Variants in ATMIN observed in about 807,000 individuals in gnomAD.
ATMIN encodes ATM interactor.
A neutral mutation model predicts 49.2 loss-of-function variants in ATMIN; 24 were observed. The observed-to-expected ratio is 0.49, with a 90% CI of 0.35 to 0.69. ATMIN has a LOEUF of 0.69. Ranked by LOEUF, ATMIN falls within the 30% of genes least tolerant of loss-of-function variation. ATMIN has a pLI of 0.00. For missense variants in ATMIN, 1,037 were observed against 1,005.5 expected (o/e 1.03, Z -0.42); for synonymous variants, 450 against 392.5 (o/e 1.15, Z -1.73).
At chr16:81,041,281 A>T in intron 1 of ATMIN, 75 bp from the exon 2 acceptor site, 1 of 1,470,202 alleles carries the variant, frequency 6.8e-7, no homozygotes, top group Non-Finnish European at 9.2e-7. Flanking sequence ...GCTCGTTTTC[A>T]GTCATTCCGT....
chr16:81,042,095 A>T (rs1486489120), intron 2 of ATMIN, among the ~76,000 whole-genome samples, 186 bp from the exon 3 acceptor site: 1 of 152,214 alleles, frequency 6.6e-6, no homozygotes, highest in Non-Finnish European at 1.5e-5. Context: ...CAAAAGCAAC[A>T]AGAAGAGGCA....
rs1212613211 is a variant in ATMIN, at chr16:81,044,574, T to A, written c.2076T>A (p.Ser692=). The A allele has an allele frequency of 6.2e-7, 1 of 1,614,100 alleles. No homozygotes were observed. Among genetic ancestry groups the A allele is most frequent in the Non-Finnish European group, 8.5e-7 (1 of 1,179,964 alleles). The change falls in exon 4 of 4, where the codon TCT becomes TCA. Residue 692 remains serine, a synonymous_variant. Transcript: ENST00000299575. ...AGTCCTATGGGTGTAGGGGAAATTCTAACTTCTTAGGCCTTGAGATGTTTG... is the reference window on the plus strand; with the variant it reads ...AGTCCTATGGGTGTAGGGGAAATTCAAACTTCTTAGGCCTTGAGATGTTTG... ...SAQSYGCRGN[S]NFLGLEMFDT... is the part of the protein sequence containing the mutation.
chr16:81,036,426 C>T (rs1970935438), intron 1 of ATMIN, among the ~76,000 whole-genome samples: 3 of 152,110 alleles, frequency 2.0e-5, no homozygotes, highest in African/African-American at 4.8e-5. Flanking sequence ...CTGGGAGCCC[C>T]GGGTCCGCCG....
chr16:81,045,153 A>G lies in ATMIN; in HGVS notation c.*183A>G, dbSNP rs1211537304. The G allele has an allele frequency of 1.3e-6, 1 of 769,934 alleles. No homozygotes were observed. The highest frequency in any genetic ancestry group is 2.0e-6 in the Non-Finnish European group (1 of 512,094). The allele number at this position is 769,934 out of a possible 1,614,324, so 47.7% of individuals were successfully genotyped here. A position where few individuals can be genotyped will look rare whatever the true frequency, so the allele number is the denominator to read the frequency against. On this transcript the variant is annotated 3_prime_UTR_variant, in exon 4 of 4. Transcript: ENST00000299575. Reference sequence around the variant, plus strand: ...ATTTGCGTATAAATGTGAGTGTATTATAAAGTTTGAGATGTTGATCTAAAT... The same window carrying G: ...ATTTGCGTATAAATGTGAGTGTATTGTAAAGTTTGAGATGTTGATCTAAAT...
intron 1 of ATMIN, chr16:81,037,545 C>G (rs1970961937): frequency 1.0e-6 from 1 of 958,038 alleles, no homozygotes; most frequent in South Asian, 4.8e-5. Flanking sequence ...TCTTTCAGCA[C>G]TCAAGTGTAA....
In ATMIN at chr16:81,046,745, A is replaced by C. The variant is rs974271978; in HGVS notation, c.*1775A>C. Reference sequence around the variant, plus strand: ...GTATTACTGAAAGCTAAATCCTCAAAACCTAGTAAGGGGACTAATGATTCA... The same window carrying C: ...GTATTACTGAAAGCTAAATCCTCAACACCTAGTAAGGGGACTAATGATTCA... On this transcript the variant is annotated 3_prime_UTR_variant, in exon 4 of 4. Transcript: ENST00000299575. The C allele has an allele frequency of 6.6e-6, 1 of 152,406 alleles. No individual in the cohort carries two copies. The highest frequency in any genetic ancestry group is 1.5e-5 in the Non-Finnish European group (1 of 68,050). 9.4% of individuals were successfully genotyped at this position (152,406 alleles called of 1,614,324 possible). A position where few individuals can be genotyped will look rare whatever the true frequency, so the allele number is the denominator to read the frequency against.
In ATMIN at chr16:81,044,297, G is replaced by C. The variant is rs199515815; in HGVS notation, c.1799G>C (p.Ser600Thr). Residue 600 changes from serine to threonine, a missense_variant, in exon 4 of 4, where the codon AGT becomes ACT. Physicochemically the swap from Ser to Thr is moderately conservative, Grantham distance 58 (BLOSUM62 1). Transcript: ENST00000299575. Reference protein sequence around the residue: ...LLSDLENILSSNLPAQTLDHR... With the variant: ...LLSDLENILSTNLPAQTLDHR... The stretch of plus-strand genomic sequence containing the variant: ...AGTGATTTGGAAAACATCTTGTCAA[G>C]TAATCTGCCTGCTCAGACATTGGAT... 332 of 1,613,974 alleles carry C rather than the reference G, an allele frequency of 2.1e-4. No homozygotes were observed. The highest frequency in any genetic ancestry group is 2.7e-4 in the Non-Finnish European group (324 of 1,179,992).
intron 1 of ATMIN, among the ~76,000 whole-genome samples, chr16:81,037,670 C>G (rs1970966869): frequency 6.6e-6 from 1 of 152,212 alleles, no homozygotes; most frequent in Non-Finnish European, 1.5e-5. Context: ...GAGTCTCACT[C>G]CATCACCCAG....
Position 81,044,173 on chromosome 16 carries a change from A to G in ATMIN, c.1675A>G (p.Ile559Val). ...QNEPKTLNQD[I>V]EKSAPIINFS... Reference sequence around the variant, plus strand: ...TGAGCCTAAGACTTTAAATCAAGATATTGAGAAATCTGCACCAATTATAAA... The same window carrying G: ...TGAGCCTAAGACTTTAAATCAAGATGTTGAGAAATCTGCACCAATTATAAA... Residue 559 changes from isoleucine to valine, a missense_variant, in exon 4 of 4, where the codon ATT becomes GTT. Ile to Val is a conservative substitution (Grantham distance 29). Transcript: ENST00000299575. 1 of 1,614,188 alleles carries G rather than the reference A, an allele frequency of 6.2e-7. No homozygotes were observed. The highest frequency in any genetic ancestry group is 8.5e-7 in the Non-Finnish European group (1 of 1,179,986).
chr16:81,042,103 G>C (rs1971046191), intron 2 of ATMIN, among the ~76,000 whole-genome samples, 178 bp from the exon 3 acceptor site: 1 of 152,120 alleles, frequency 6.6e-6, no homozygotes, highest in African/African-American at 2.4e-5. Context: ...ACAAGAAGAG[G>C]CATATATATA....
intron 1 of ATMIN, among the ~76,000 whole-genome samples, chr16:81,039,849 G>C (rs1251689465): frequency 6.6e-6 from 1 of 152,238 alleles, no homozygotes; most frequent in East Asian, 1.9e-4. Flanking sequence ...GGAAAGGAAA[G>C]GTTCCAAGTT....
chr16:81,042,626 G>A, intron 3 of ATMIN, 146 bp downstream of exon 3: 2 of 873,546 alleles, frequency 2.3e-6, no homozygotes, highest in Non-Finnish European at 3.5e-6. Flanking sequence ...GAAAATGGAA[G>A]CAGGTCTTGC....
chr16:81,043,007 T>G (rs1971059870), intron 3 of ATMIN, among the ~76,000 whole-genome samples, 154 bp from the exon 4 acceptor site: 1 of 152,164 alleles, frequency 6.6e-6, no homozygotes, highest in Admixed American at 6.5e-5. Context: ...TAGGACCAAC[T>G]CCCAGAGTTG....
rs777967611 is a variant in ATMIN at position 81,044,533 on chromosome 16, G to T, written c.2035G>T (p.Ala679Ser). ...DIETQTDFLL[A>S]DTSAQSYGCR... ...AGAGACTCAAACGGACTTCTTACTC[G>T]CAGATACCTCTGCTCAGTCCTATGG... Residue 679 changes from alanine to serine, a missense_variant, in exon 4 of 4, where the codon GCA (alanine) becomes TCA (serine). Transcript: ENST00000299575. 1 of 1,613,872 alleles carries T rather than the reference G, an allele frequency of 6.2e-7. No individual in the cohort carries two copies. The highest frequency in any genetic ancestry group is 1.7e-5 in the Admixed American group (1 of 59,974).
Position 81,037,374 on chromosome 16 carries a change from G to T in ATMIN, c.336+1168G>T, listed in dbSNP as rs11150338. 5,624 of 985,430 alleles carry T rather than the reference G, an allele frequency of 5.7e-3. 307 individuals are homozygous for T. In the East Asian group the frequency reaches 0.2, roughly 35 times the overall value. 61.0% of individuals were successfully genotyped at this position (985,430 alleles called of 1,614,324 possible). On this transcript the variant is annotated intron_variant, in intron 1 of 3. Transcript: ENST00000299575. ...GGTTGTAGTCTCTAGTAGGACAGAT[G>T]TGTCGCCAATGAAGAGTGATCTGCT...
intron 2 of ATMIN, among the ~76,000 whole-genome samples, chr16:81,041,868 A>G (rs1369118572): frequency 2.6e-5 from 4 of 152,172 alleles, no homozygotes; most frequent in African/African-American, 9.7e-5. Flanking sequence ...GGAAGCCGCA[A>G]TCTTAAGAGG....
chr16:81,041,458 T>C lies in ATMIN; in HGVS notation c.439T>C (p.Ser147Pro), dbSNP rs1165172372. Residue 147 changes from serine (S) to proline (P), a missense_variant, in exon 2 of 4, where the codon TCT (serine) becomes CCT (proline). Coordinates refer to ENST00000299575, the MANE Select transcript of ATMIN (RefSeq NM_015251.3). Reference protein sequence around the residue: ...GCPRGPERPFSQFSLVKQHFM... With the variant: ...GCPRGPERPFPQFSLVKQHFM... ...CCCCAGAGGCCCTGAGAGACCGTTT[T>C]CTCAGTTTTCTCTCGTAAAACAGGT... 1 of 1,609,288 alleles carries C rather than the reference T, an allele frequency of 6.2e-7. No homozygotes were observed. Among genetic ancestry groups the C allele is most frequent in the Non-Finnish European group, 8.5e-7 (1 of 1,178,958 alleles).
chr16:81,041,658 A>T (rs1441838489), intron 2 of ATMIN, 177 bp downstream of exon 2: 2 of 703,884 alleles, frequency 2.8e-6, no homozygotes, highest in African/African-American at 3.6e-5. Flanking sequence ...GAAAAGCGGC[A>T]CGGTCTGGAG....
Position 81,044,719 on chromosome 16 carries a change from C to G in ATMIN, c.2221C>G (p.Gln741Glu). The G allele has an allele frequency of 1.2e-6, 2 of 1,614,186 alleles. No individual in the cohort carries two copies. The highest frequency in any genetic ancestry group is 4.5e-5 in the East Asian group (2 of 44,892). ...VSTDSSDTET[Q>E]TEGVSTAKNI... ...TACTGATTCATCTGACACAGAGACC[C>G]AAACTGAAGGAGTCTCCACTGCTAA... The change falls in exon 4 of 4, where the codon CAA (glutamine) becomes GAA (glutamate). Residue 741 changes from glutamine to glutamate, a missense_variant. Transcript: ENST00000299575.
Sources: gnomAD v4.1 joint callset for allele counts (sites outside exome capture counted in the v4.1 genomes callset) on GRCh38, gnomAD v4.1.1 for gene constraint, MANE v1.5 for transcripts, NCBI Gene and HGNC (gene_info 2026-07-23, HGNC 2026-07-21) for gene names.